Variants in NCOA1 observed in about 807,000 individuals in gnomAD.
NCOA1 encodes nuclear receptor coactivator 1, also known as Hin-2 protein.
NCOA1 carries 35 observed loss-of-function variants against 150.9 expected under a neutral mutation model. That is an observed-to-expected ratio of 0.23 (90% CI 0.18 to 0.31). The LOEUF is 0.31. Among genes scored for constraint, NCOA1 ranks in the 10% least tolerant of loss-of-function variants. The pLI, the probability that NCOA1 is intolerant of heterozygous loss-of-function variation, is 1.00. For missense variants in NCOA1, 1,491 were observed against 1,749.3 expected, an observed-to-expected ratio of 0.85 and a Z score of 2.63; for synonymous variants, 590 against 630.0, an observed-to-expected ratio of 0.94 and a Z score of 0.95.
chr2:24,710,927 T>G lies in NCOA1; in HGVS notation c.2419-4T>G. ...TTTCCTCTAACTTTGGTTTCCATTC[T>G]TAGTTTACAGCTGACCTTGACCAGT... On this transcript the variant is annotated splice_region_variant and splice_polypyrimidine_tract_variant and intron_variant, in intron 13 of 22. Transcript: ENST00000348332. 1 of 1,612,680 alleles carries G rather than the reference T, an allele frequency of 6.2e-7. No homozygotes were observed.
intron 17 of NCOA1, among the ~76,000 whole-genome samples, chr2:24,730,871 C>CAAAAAAAAAAA (rs35975198): frequency 1.1e-4 from 7 of 61,842 alleles, no homozygotes; most frequent in African/African-American, 1.4e-4. Context: ...ACTAAAAGTA[C>CAAAAAAAAAAA]AAAAAAAAAA....
chr2:24,519,716 T>C (rs905386317), intron 1 of NCOA1, among the ~76,000 whole-genome samples: 2 of 151,294 alleles, frequency 1.3e-5, no homozygotes, highest in South Asian at 4.2e-4. Context: ...GTAGGCATAG[T>C]CTCGGGAGGC....
At chr2:24,596,305 C>G (rs967760132) in intron 3 of NCOA1, among the ~76,000 whole-genome samples, 3 of 151,998 alleles carry the variant, frequency 2.0e-5, no homozygotes, top group Non-Finnish European at 4.4e-5. Flanking sequence ...GTACTGTGTT[C>G]ATTTAATAAT....
At chr2:24,604,997 G>A (rs531245432) in intron 3 of NCOA1, among the ~76,000 whole-genome samples, 41 of 152,166 alleles carry the variant, frequency 2.7e-4, no homozygotes, top group Non-Finnish European at 4.9e-4. Context: ...TAGTATTATC[G>A]TGTCTCAGGT....
At chr2:24,613,628 C>T (rs1022262391) in intron 3 of NCOA1, among the ~76,000 whole-genome samples, 2 of 151,506 alleles carry the variant, frequency 1.3e-5, no homozygotes, top group African/African-American at 2.4e-5. Flanking sequence ...CTGGGTGCTG[C>T]GTACAGAGGG....
At chr2:24,602,439 A>G (rs1001915831) in intron 3 of NCOA1, among the ~76,000 whole-genome samples, 2 of 152,122 alleles carry the variant, frequency 1.3e-5, no homozygotes, top group African/African-American at 4.8e-5. Context: ...AAGCTCAAGC[A>G]ATCTGCCTAC....
At chr2:24,635,631 A>G (rs1374685459) in intron 3 of NCOA1, among the ~76,000 whole-genome samples, 2 of 152,178 alleles carry the variant, frequency 1.3e-5, no homozygotes, top group Non-Finnish European at 2.9e-5. Flanking sequence ...GTGGATGACT[A>G]TCTTTGCCAT....
At position 24,693,263 on chromosome 2, in the gene NCOA1, T is replaced by C; in HGVS notation, c.724T>C (p.Cys242Arg). ...CTTGTTTTGGGCAGATTTCCAGTCA[T>C]GTCTGATTTGTATTGCACGGCGATT... ...IQEDGEDFQS[C>R]LICIARRLPR... is the part of the protein sequence containing the mutation. The change falls in exon 10 of 23, where the codon TGT (cysteine) becomes CGT (arginine). Residue 242 changes from cysteine to arginine, a missense_variant. By Grantham distance (180) the Cys-to-Arg change is radical (BLOSUM62 -3). This residue lies in a region of NCOA1 where 99 missense variants were observed against 122.8 expected (regional missense o/e 0.81). Transcript: ENST00000348332. 6.2e-7 allele frequency: 1 copy of C among 1,614,136 alleles called. No homozygotes were observed. The highest frequency in any genetic ancestry group is 1.1e-5 in the South Asian group (1 of 91,082).
At chr2:24,631,554 T>C (rs1472972581) in intron 3 of NCOA1, among the ~76,000 whole-genome samples, 1 of 152,216 alleles carries the variant, frequency 6.6e-6, no homozygotes, top group Non-Finnish European at 1.5e-5. Flanking sequence ...TTTGTTTTTT[T>C]ACTTCCTTAC....
Position 24,706,921 on chromosome 2 carries a change from C to G in NCOA1, c.1451C>G (p.Ala484Gly). Residue 484 changes from alanine (A) to glycine (G), a missense_variant, in exon 13 of 23, where the codon GCA becomes GGA. By Grantham distance (60) the Ala-to-Gly change is moderately conservative. Around this residue, in one of 8 missense-constraint regions of NCOA1, gnomAD observed 703 missense variants for 717.7 expected, o/e 0.98. Transcript: ENST00000348332. ...ATGGAAGGTACAGGAATATCCCTAG[C>G]ACAGTTCATGTCTCCAAGGAGACAG... ...SPMEGTGISL[A>G]QFMSPRRQVT... 1 of 1,614,162 alleles carries G rather than the reference C, an allele frequency of 6.2e-7. No individual in the cohort carries two copies. The highest frequency in any genetic ancestry group is 8.5e-7 in the Non-Finnish European group (1 of 1,180,018).
chr2:24,592,098 GAATGAATTATTT>G (rs1283690714), intron 3 of NCOA1, among the ~76,000 whole-genome samples: 1 of 152,120 alleles, frequency 6.6e-6, no homozygotes, highest in Admixed American at 6.6e-5. Flanking sequence ...AATGTGAAAG[GAATGAATTATTT>G]AATAACTGAA....
chr2:24,732,254 T>A (rs1320051289), intron 17 of NCOA1, among the ~76,000 whole-genome samples: 1 of 152,210 alleles, frequency 6.6e-6, no homozygotes, highest in African/African-American at 2.4e-5. Flanking sequence ...TTGCTTCCCT[T>A]AAATCTCATG....
intron 3 of NCOA1, among the ~76,000 whole-genome samples, chr2:24,598,426 A>G (rs1486715873): frequency 1.3e-5 from 2 of 152,220 alleles, no homozygotes; most frequent in South Asian, 2.1e-4. Flanking sequence ...AAAGCATATG[A>G]ACAATTATTA....
At position 24,707,191 on chromosome 2, in the gene NCOA1, A is replaced by C; in HGVS notation, c.1721A>C (p.Asn574Thr). The C allele has an allele frequency of 6.2e-7, 1 of 1,614,212 alleles. No individual in the cohort carries two copies. Among genetic ancestry groups the C allele is most frequent in the Non-Finnish European group, 8.5e-7 (1 of 1,180,034 alleles). ...TCACAGAATTCACCTAGCAGATTAA[A>C]TATACAACCAGCAAAAGCTGAGTCC... is the stretch of plus-strand genomic sequence containing the variant. ...MSSQNSPSRL[N>T]IQPAKAESKD... Residue 574 changes from asparagine to threonine, a missense_variant, in exon 13 of 23, where the codon AAT becomes ACT. This residue lies in a region of NCOA1 where 703 missense variants were observed against 717.7 expected (regional missense o/e 0.98). Transcript: ENST00000348332.
rs374421819 is a variant in NCOA1 at position 24,609,810 on chromosome 2, C to G, written c.-175+25250C>G. ...TTCAGTCATTCTTTTCTAATGAAAGCATTGATGGGAATACATTCTCTGAGT... is the reference window on the plus strand; with the variant it reads ...TTCAGTCATTCTTTTCTAATGAAAGGATTGATGGGAATACATTCTCTGAGT... On this transcript the variant is annotated intron_variant, in intron 3 of 22. Transcript: ENST00000348332. Among the ~76,000 whole-genome samples the G allele has an allele frequency of 4.6e-4, 70 of 151,820 alleles. 2 individuals are homozygous for G. The East Asian group carries it at 6.9e-3, about 15-fold the overall frequency.
intron 1 of NCOA1, among the ~76,000 whole-genome samples, chr2:24,538,147 T>C (rs1665244048): frequency 6.6e-6 from 1 of 152,226 alleles, no homozygotes; most frequent in South Asian, 2.1e-4. Context: ...AAGTGTTATA[T>C]ATGTGTATGT....
intron 1 of NCOA1, among the ~76,000 whole-genome samples, chr2:24,546,056 T>C (rs1665594799): frequency 6.6e-6 from 1 of 152,228 alleles, no homozygotes; most frequent in South Asian, 2.1e-4. Flanking sequence ...CCCAAAGTGC[T>C]GTGATTACAG....
intron 20 of NCOA1, among the ~76,000 whole-genome samples, chr2:24,757,147 T>G (rs1664543460): frequency 6.6e-6 from 1 of 152,104 alleles, no homozygotes; most frequent in Admixed American, 6.5e-5. Context: ...GGTCTCAAAT[T>G]TTAGTATGCA....
chr2:24,647,658 A>G (rs1670534192), intron 4 of NCOA1, among the ~76,000 whole-genome samples: 1 of 152,074 alleles, frequency 6.6e-6, no homozygotes, highest in South Asian at 2.1e-4. Context: ...CATATATTAC[A>G]TGCTCAATAT....
Sources: gnomAD v4.1 joint callset for allele counts (sites outside exome capture counted in the v4.1 genomes callset) on GRCh38, gnomAD v4.1.1 for gene constraint, gnomAD v4.1.1 regional missense constraint, MANE v1.5 for transcripts, NCBI Gene and HGNC (gene_info 2026-07-23, HGNC 2026-07-21) for gene names.